MYCBPAP: variants seen among roughly 807,000 people sequenced by gnomAD.
The protein encoded by MYCBPAP is MYCBP associated protein.
MYCBPAP carries 60 observed loss-of-function variants against 106.1 expected under a neutral mutation model. The observed-to-expected ratio is 0.57, with a 90% CI of 0.46 to 0.70. The LOEUF (loss-of-function observed/expected upper bound fraction) is 0.70, where lower values mean the gene tolerates loss of function less well. Among genes scored for constraint, MYCBPAP ranks in the 30% least tolerant of loss-of-function variants. The probability of loss-of-function intolerance (pLI) is 0.00; values close to 1 mark genes in which losing one functional copy is unlikely to be tolerated. For synonymous variants in MYCBPAP, 407 were observed against 440.6 expected, an observed-to-expected ratio of 0.92 and a Z score of 0.95; for missense variants, 1,064 against 1,169.3, an observed-to-expected ratio of 0.91 and a Z score of 1.31.
At chr17:50,521,625 C>T (rs2034264942) in intron 9 of MYCBPAP, among the ~76,000 whole-genome samples, 194 bp downstream of exon 9, 1 of 152,182 alleles carries the variant, frequency 6.6e-6, no homozygotes, top group East Asian at 1.9e-4. Flanking sequence ...TTTCCAATAA[C>T]CAACTCCTAA....
Position 50,523,746 on chromosome 17 carries a change from A to G in MYCBPAP, c.1597A>G (p.Thr533Ala). 1 of 1,614,072 alleles carries G rather than the reference A, an allele frequency of 6.2e-7. No individual in the cohort carries two copies. Among genetic ancestry groups the G allele is most frequent in the Non-Finnish European group, 8.5e-7 (1 of 1,179,974 alleles). Residue 533 changes from threonine to alanine, a missense_variant, in exon 12 of 19, where the codon ACC becomes GCC. Transcript: ENST00000323776. ...GGTCAATCTCCACGCGGTCTCCCTGACCCAGGACGTTTTTGAGGATGAGAG... is the reference window on the plus strand; with the variant it reads ...GGTCAATCTCCACGCGGTCTCCCTGGCCCAGGACGTTTTTGAGGATGAGAG... ...LQVNLHAVSL[T>A]QDVFEDERKV...
chr17:50,509,189 G>A, intron 1 of MYCBPAP: 1 of 701,896 alleles, frequency 1.4e-6, no homozygotes, highest in Non-Finnish European at 2.6e-6. Context: ...GGATTATTTG[G>A]TAGAGGAGGG....
At chr17:50,514,659 AG>A (rs1213500994) in intron 1 of MYCBPAP, among the ~76,000 whole-genome samples, 1 of 149,166 alleles carries the variant, frequency 6.7e-6, no homozygotes, top group Non-Finnish European at 1.5e-5. Flanking sequence ...TCAGTCATGC[AG>A]GTTTTTTTTT....
At chr17:50,528,007 G>A in intron 15 of MYCBPAP, 148 bp from the exon 16 acceptor site, 1 of 693,352 alleles carries the variant, frequency 1.4e-6, no homozygotes. Context: ...CCCTGGCGGG[G>A]AACAGTGAGG....
chr17:50,516,466 A>C, intron 1 of MYCBPAP, 104 bp from the exon 2 acceptor site: 43 of 1,265,454 alleles, frequency 3.4e-5, no homozygotes, highest in Non-Finnish European at 3.8e-5. Context: ...TCTGCCCCCC[A>C]CCATGGAGTC....
intron 12 of MYCBPAP, among the ~76,000 whole-genome samples, chr17:50,524,439 A>T (rs2034383109): frequency 6.6e-6 from 1 of 152,156 alleles, no homozygotes; most frequent in Non-Finnish European, 1.5e-5. Flanking sequence ...TTACTCATTG[A>T]CTGTACAACC....
At chr17:50,510,489 G>C (rs1252646378) in intron 1 of MYCBPAP, 2 of 107,160 alleles carry the variant, frequency 1.9e-5, no homozygotes, top group African/African-American at 7.8e-5. Flanking sequence ...GTGTGTGTGT[G>C]TGTGTGTGTG....
rs2034324984 is a variant in MYCBPAP at position 50,522,839 on chromosome 17, T to TG, written c.1258-99dup. ...CCCTGGAGGCCTGGGACACGAGACTTGCAGTGCTAAAGCCAGAAAAGTCCT... is the reference window on the plus strand; with the variant it reads ...CCCTGGAGGCCTGGGACACGAGACTTGGCAGTGCTAAAGCCAGAAAAGTCCT... On this transcript the variant is annotated intron_variant, in intron 10 of 18. Coordinates refer to ENST00000323776, the MANE Select transcript of MYCBPAP (RefSeq NM_032133.6). 3 of 1,194,120 alleles carry TG rather than the reference T, an allele frequency of 2.5e-6. No homozygotes were observed. The East Asian group carries it at 7.2e-5, about 29-fold the overall frequency. 74.0% of individuals were successfully genotyped at this position (1,194,120 alleles called of 1,614,324 possible).
intron 18 of MYCBPAP, among the ~76,000 whole-genome samples, chr17:50,530,593 C>T (rs1567899509): frequency 1.3e-5 from 2 of 151,144 alleles, no homozygotes; most frequent in Non-Finnish European, 2.9e-5. Context: ...CCCAGGAGTT[C>T]GACATCAGCC....
intron 17 of MYCBPAP, 62 bp downstream of exon 17, chr17:50,528,902 G>A (rs886617511): frequency 8.7e-6 from 14 of 1,601,616 alleles, no homozygotes; most frequent in African/African-American, 1.3e-5. Context: ...GGCTGCGGAG[G>A]TGGGGGCTGT....
chr17:50,521,259 C>T, intron 8 of MYCBPAP, 34 bp downstream of exon 8: 1 of 1,597,942 alleles, frequency 6.3e-7, no homozygotes, highest in Non-Finnish European at 8.5e-7. Flanking sequence ...GTCAGAAGCC[C>T]CTTGGGGCGA....
At chr17:50,509,526 C>A in intron 1 of MYCBPAP, 1 of 144,086 alleles carries the variant, frequency 6.9e-6, no homozygotes, top group East Asian at 2.0e-4. Flanking sequence ...TAATTTTTAG[C>A]TTTTTTTTTC....
Position 50,531,310 on chromosome 17 carries a change from T to C in MYCBPAP, c.2725-17T>C. On this transcript the variant is annotated splice_polypyrimidine_tract_variant and intron_variant, in intron 18 of 18. Coordinates refer to ENST00000323776, the MANE Select transcript of MYCBPAP (RefSeq NM_032133.6). Reference sequence around the variant, plus strand: ...CACAGAGTAAACTCTGCCTGTGATGTTGTCCCGTTCTTCCAGGTCCGTGGG... The same window carrying C: ...CACAGAGTAAACTCTGCCTGTGATGCTGTCCCGTTCTTCCAGGTCCGTGGG... The C allele has an allele frequency of 6.3e-7, 1 of 1,587,718 alleles. No individual in the cohort carries two copies. Among genetic ancestry groups the C allele is most frequent in the Non-Finnish European group, 8.6e-7 (1 of 1,161,084 alleles).
Position 50,518,658 on chromosome 17 carries a change from C to T in MYCBPAP, c.586C>T (p.His196Tyr), listed in dbSNP as rs1478176996. The T allele has an allele frequency of 5.0e-6, 8 of 1,607,334 alleles. No homozygotes were observed. The highest frequency in any genetic ancestry group is 5.9e-6 in the Non-Finnish European group (7 of 1,178,068). ...ACCTCCCTGGGCCCCACCTCCTCAG[C>T]ACAACTTTCTGAAAAACTGGCAGCG... ...KRPPWAPPPQ[H>Y]NFLKNWQRNT... is the part of the protein sequence containing the mutation. The change falls in exon 5 of 19, where the codon CAC becomes TAC. Residue 196 changes from histidine to tyrosine, a missense_variant. Coordinates refer to ENST00000323776, the MANE Select transcript of MYCBPAP (RefSeq NM_032133.6).
Position 50,508,557 on chromosome 17 carries a change from C to A in MYCBPAP, c.-118C>A. 6.5e-7 allele frequency: 1 copy of A among 1,544,472 alleles called. No individual in the cohort carries two copies. The highest frequency in any genetic ancestry group is 8.7e-7 in the Non-Finnish European group (1 of 1,145,242). ...AAGTTGATCGGTGGATGCGCGCCCCCGCGCGGGGCACCGGTTGCTGTGGAC... is the reference window on the plus strand; with the variant it reads ...AAGTTGATCGGTGGATGCGCGCCCCAGCGCGGGGCACCGGTTGCTGTGGAC... On this transcript the variant is annotated 5_prime_UTR_variant, in exon 1 of 19. Transcript: ENST00000323776.
Position 50,508,493 on chromosome 17 carries a change from G to A in MYCBPAP, c.-182G>A. ...AGCCGCCGGCGGCGGGCGCGTGCGC[G>A]GCCCGATGAAGAAGGAGGTTTCCAA... On this transcript the variant is annotated 5_prime_UTR_variant, in exon 1 of 19. Coordinates refer to ENST00000323776, the MANE Select transcript of MYCBPAP (RefSeq NM_032133.6). The A allele has an allele frequency of 6.7e-7, 1 of 1,489,576 alleles. No homozygotes were observed. The highest frequency in any genetic ancestry group is 9.0e-7 in the Non-Finnish European group (1 of 1,113,974). The allele number at this position is 1,489,576 out of a possible 1,614,324, so 92.3% of individuals were successfully genotyped here. A position where few individuals can be genotyped will look rare whatever the true frequency, so the allele number is the denominator to read the frequency against.
At position 50,525,921 on chromosome 17, in the gene MYCBPAP, T is replaced by G; in HGVS notation, c.1823T>G (p.Leu608Arg). Residue 608 changes from leucine (L) to arginine (R), a missense_variant, in exon 14 of 19, where the codon CTG becomes CGG. Physicochemically the swap from Leu to Arg is moderately radical, Grantham distance 102. Coordinates refer to ENST00000323776, the MANE Select transcript of MYCBPAP (RefSeq NM_032133.6). ...CAAGTGGTGCAAAGCCTGCACCAACTGTGGCGCCAGTACATGACCCTGCCC... is the reference window on the plus strand; with the variant it reads ...CAAGTGGTGCAAAGCCTGCACCAACGGTGGCGCCAGTACATGACCCTGCCC... ...EHQVVQSLHQ[L>R]WRQYMTLPAK... 6.2e-7 allele frequency: 1 copy of G among 1,612,928 alleles called. No homozygotes were observed. The highest frequency in any genetic ancestry group is 8.5e-7 in the Non-Finnish European group (1 of 1,179,844).
At position 50,521,429 on chromosome 17, in the gene MYCBPAP, C is replaced by T. The variant is rs750379366; in HGVS notation, c.1146C>T (p.Tyr382=). ...SQGSSSEDTA[Y]LGTLASSSDV... ...GAAGCTCCTCTGAAGACACAGCATA[C>T]TTGTGAGTGCAGCCTGAACCCTGGG... Residue 382 remains tyrosine (Y), a splice_region_variant and synonymous_variant, in exon 9 of 19, where the codon TAC becomes TAT. Transcript: ENST00000323776. The T allele has an allele frequency of 1.3e-6, 2 of 1,578,578 alleles. No homozygotes were observed. Among genetic ancestry groups the T allele is most frequent in the South Asian group, 1.2e-5 (1 of 86,954 alleles).
chr17:50,525,913 G>A lies in MYCBPAP; in HGVS notation c.1815G>A (p.Leu605=). The stretch of plus-strand genomic sequence containing the variant: ...ATGAGCACCAAGTGGTGCAAAGCCT[G>A]CACCAACTGTGGCGCCAGTACATGA... ...LHYEHQVVQS[L]HQLWRQYMTL... is the part of the protein sequence containing the mutation. Residue 605 remains leucine, a synonymous_variant, in exon 14 of 19, where the codon CTG becomes CTA. Coordinates refer to ENST00000323776, the MANE Select transcript of MYCBPAP (RefSeq NM_032133.6). The A allele has an allele frequency of 6.2e-7, 1 of 1,612,340 alleles. No individual in the cohort carries two copies.
Sources: allele counts gnomAD v4.1 joint callset (sites outside exome capture counted in the v4.1 genomes callset), GRCh38; gene constraint gnomAD v4.1.1; transcripts MANE v1.5; gene names NCBI Gene and HGNC (gene_info 2026-07-23, HGNC 2026-07-21).